The following WRN variants were observed in gnomAD, a reference collection of about 807,000 sequenced individuals.
WRN encodes the protein bifunctional 3'-5' exonuclease/ATP-dependent helicase WRN.
A neutral mutation model predicts 180.7 loss-of-function variants in WRN; 149 were observed. The observed-to-expected ratio is 0.82, with a 90% confidence interval of 0.72 to 0.94. WRN has a LOEUF of 0.94. WRN is among the 40% of genes least tolerant of loss of function. WRN has a pLI of 0.00. For synonymous variants in WRN, 548 were observed against 568.9 expected (o/e 0.96, Z 0.52); for missense variants, 1,661 against 1,700.1 (o/e 0.98, Z 0.40).
intron 10 of WRN, among the ~76,000 whole-genome samples, chr8:31,084,344 A>AT (rs1051773796): frequency 3.9e-4 from 59 of 152,108 alleles, no homozygotes; most frequent in African/African-American, 1.3e-3. Context: ...AATTATTGCC[A>AT]TTTTTTTATT....
chr8:31,037,827 C>T (rs182650864), intron 1 of WRN, among the ~76,000 whole-genome samples: 309 of 152,220 alleles, frequency 2.0e-3, no homozygotes, highest in African/African-American at 7.0e-3. Flanking sequence ...ATGCCCCTAG[C>T]TTTGTTCTTT....
chr8:31,110,675 A>T (rs150494986), intron 18 of WRN, among the ~76,000 whole-genome samples: 440 of 152,290 alleles, frequency 2.9e-3, no homozygotes, highest in African/African-American at 9.8e-3. Flanking sequence ...TGTATAATAG[A>T]TGCAGTGCAT....
intron 1 of WRN, among the ~76,000 whole-genome samples, chr8:31,038,755 GGT>G (rs1310924373): frequency 1.3e-5 from 2 of 152,060 alleles, no homozygotes; most frequent in Non-Finnish European, 1.5e-5. Context: ...TTTTGTATAT[GGT>G]GTGAGGTAGG....
intron 19 of WRN, among the ~76,000 whole-genome samples, chr8:31,112,991 A>AG (rs1381529704): frequency 6.6e-6 from 1 of 151,872 alleles, no homozygotes; most frequent in African/African-American, 2.4e-5. Flanking sequence ...GAATCACTTG[A>AG]GGCCAGGAGT....
intron 24 of WRN, 134 bp from the exon 25 acceptor site, chr8:31,141,296 G>T (rs753757233): frequency 1.9e-6 from 2 of 1,038,150 alleles, no homozygotes; most frequent in Non-Finnish European, 2.8e-6. Context: ...GAGCACGATG[G>T]GTATAACATT....
chr8:31,166,169 T>A (rs1237135461), intron 33 of WRN, among the ~76,000 whole-genome samples: 1 of 152,184 alleles, frequency 6.6e-6, no homozygotes, highest in Non-Finnish European at 1.5e-5. Flanking sequence ...CTTTTCAGGT[T>A]GTCATTTGAA....
rs1368082358 is a variant in WRN at position 31,174,811 on chromosome 8, T to C, written c.*1709T>C. ...CTTCCCTTCCCCTTCCTTCCTTCCT[T>C]CCTTCCTTCCTCCCTCCCTCCCTCC... is the stretch of plus-strand genomic sequence containing the variant. On this transcript the variant is annotated 3_prime_UTR_variant, in exon 35 of 35. Coordinates refer to ENST00000298139, the MANE Select transcript of WRN (RefSeq NM_000553.6). 9.5e-6 allele frequency among the ~76,000 whole-genome samples: 1 copy of C among 105,314 alleles called. No individual in the cohort carries two copies. The highest frequency in any genetic ancestry group is 2.0e-5 in the Non-Finnish European group (1 of 49,226). 69.1% of individuals were successfully genotyped at this position (105,314 alleles called of 152,430 possible).
intron 1 of WRN, among the ~76,000 whole-genome samples, chr8:31,049,128 G>A (rs1349649114): frequency 6.7e-5 from 9 of 134,854 alleles, no homozygotes; most frequent in African/African-American, 1.1e-4. Flanking sequence ...GGAGAATGGC[G>A]TGAACTCAGG....
At chr8:31,147,005 G>T in intron 28 of WRN, 48 bp from the exon 29 acceptor site, 1 of 1,479,322 alleles carries the variant, frequency 6.8e-7, no homozygotes, top group South Asian at 1.2e-5. Flanking sequence ...GAAAGTCAAT[G>T]AGGAGAAAGA....
At chr8:31,091,070 A>G (rs964320699) in intron 15 of WRN, 128 bp downstream of exon 15, 8 of 773,284 alleles carry the variant, frequency 1.0e-5, no homozygotes, top group African/African-American at 1.0e-4. Flanking sequence ...CTTTATCTTT[A>G]TTGGTAATAA....
intron 1 of WRN, among the ~76,000 whole-genome samples, chr8:31,042,232 A>G (rs1023338521): frequency 7.9e-5 from 12 of 152,198 alleles, no homozygotes; most frequent in African/African-American, 2.9e-4. Flanking sequence ...GTGGAGCAGG[A>G]TGCAGACAAG....
chr8:31,118,733 A>G (rs921224660), intron 20 of WRN, among the ~76,000 whole-genome samples: 2 of 152,038 alleles, frequency 1.3e-5, no homozygotes, highest in African/African-American at 4.8e-5. Flanking sequence ...TCTTATTTTT[A>G]TAACCAGATC....
At chr8:31,123,484 T>C (rs1223842998) in intron 21 of WRN, among the ~76,000 whole-genome samples, 1 of 152,040 alleles carries the variant, frequency 6.6e-6, no homozygotes, top group African/African-American at 2.4e-5. Context: ...ACTTTGGGGA[T>C]AATTACATGG....
chr8:31,041,385 A>C (rs765207318), intron 1 of WRN, among the ~76,000 whole-genome samples: 4 of 152,132 alleles, frequency 2.6e-5, no homozygotes, highest in Non-Finnish European at 5.9e-5. Flanking sequence ...AGGCCCACCC[A>C]CATTAGGGAG....
At chr8:31,161,581 G>C (rs1189125998) in intron 33 of WRN, among the ~76,000 whole-genome samples, 2 of 152,196 alleles carry the variant, frequency 1.3e-5, no homozygotes, top group Non-Finnish European at 2.9e-5. Flanking sequence ...GCTCACGCCT[G>C]TAATCCCAGC....
intron 18 of WRN, among the ~76,000 whole-genome samples, chr8:31,101,787 CAAAAAA>C (rs60342321): frequency 2.1e-4 from 9 of 42,056 alleles, no homozygotes; most frequent in South Asian, 2.0e-3. Flanking sequence ...AACTCTGTCT[CAAAAAA>C]AAAAAAAAAA....
rs749390862 is a variant in WRN at position 31,058,547 on chromosome 8, T to C, written c.96+4T>C. On this transcript the variant is annotated splice_donor_region_variant and intron_variant, in intron 2 of 34. Transcript: ENST00000298139. Reference sequence around the variant, plus strand: ...ATGTGCTGTAGAAGAAAGAAAGGTATGTTGTTCATTGACTATTCTTTTGGG... The same window carrying C: ...ATGTGCTGTAGAAGAAAGAAAGGTACGTTGTTCATTGACTATTCTTTTGGG... The C allele has an allele frequency of 5.6e-6, 9 of 1,612,674 alleles. No individual in the cohort carries two copies. Among genetic ancestry groups the C allele is most frequent in the Non-Finnish European group, 7.6e-6 (9 of 1,179,054 alleles).
At chr8:31,111,883 T>A in intron 19 of WRN, 84 bp downstream of exon 19, 2 of 1,500,268 alleles carry the variant, frequency 1.3e-6, no homozygotes, top group Non-Finnish European at 1.8e-6. Flanking sequence ...TTATTTACGA[T>A]TTCCTTCTAA....
At chr8:31,143,781 A>C (rs950966774) in intron 28 of WRN, among the ~76,000 whole-genome samples, 158 bp downstream of exon 28, 15 of 152,140 alleles carry the variant, frequency 9.9e-5, no homozygotes, top group Non-Finnish European at 1.6e-4. Context: ...GTGAGCTATA[A>C]AAGAATAATG....
Sources: gnomAD v4.1 joint callset for allele counts (sites outside exome capture counted in the v4.1 genomes callset) on GRCh38, gnomAD v4.1.1 for gene constraint, MANE v1.5 for transcripts, NCBI Gene and HGNC (gene_info 2026-07-23, HGNC 2026-07-21) for gene names.